The following EFHB variants were observed in gnomAD, a reference collection of about 807,000 sequenced individuals.
EFHB encodes the protein EF-hand domain family member B.
Under a neutral mutation model 87.2 loss-of-function variants are expected in EFHB, and 91 were observed. That is an observed-to-expected ratio of 1.04 (90% CI 0.88 to 1.24). The LOEUF (loss-of-function observed/expected upper bound fraction) is 1.24. Ranked by LOEUF, EFHB falls within the 50% of genes most tolerant of loss-of-function variation. The probability of loss-of-function intolerance (pLI) is 0.00; values close to 1 mark genes in which losing one functional copy is unlikely to be tolerated. For missense variants in EFHB, 1,084 were observed against 998.8 expected (o/e 1.09, Z -1.15); for synonymous variants, 325 against 333.6 (o/e 0.97, Z 0.28).
At chr3:19,925,261 T>C (rs919156366) in intron 1 of EFHB, among the ~76,000 whole-genome samples, 3 of 134,054 alleles carry the variant, frequency 2.2e-5, no homozygotes, top group Non-Finnish European at 4.7e-5. Flanking sequence ...AAAAAAAAAA[T>C]AGAGTTAGGA....
intron 4 of EFHB, among the ~76,000 whole-genome samples, chr3:19,916,943 T>C (rs1249376289): frequency 1.3e-5 from 2 of 152,190 alleles, no homozygotes; most frequent in East Asian, 1.9e-4. Flanking sequence ...TACAGATATA[T>C]ACATTTTTTG....
chr3:19,924,847 T>C (rs566275835), intron 1 of EFHB, among the ~76,000 whole-genome samples: 2 of 152,144 alleles, frequency 1.3e-5, no homozygotes, highest in African/African-American at 2.4e-5. Context: ...ATTGTGAACA[T>C]ATACCCTAAA....
At chr3:19,899,554 A>G (rs896237891) in intron 6 of EFHB, 39 bp from the exon 7 acceptor site, 5 of 1,501,442 alleles carry the variant, frequency 3.3e-6, no homozygotes, top group Non-Finnish European at 4.5e-6. Flanking sequence ...TCTATTACCT[A>G]AAGTATTCTT....
chr3:19,890,271 T>G (rs1355975634), intron 9 of EFHB, among the ~76,000 whole-genome samples: 1 of 151,962 alleles, frequency 6.6e-6, no homozygotes, highest in Non-Finnish European at 1.5e-5. Flanking sequence ...CCTTAATCCC[T>G]CCCTCCCCCA....
At chr3:19,935,648 T>C (rs1206409364), upstream of EFHB, among the ~76,000 whole-genome samples, 1 of 150,814 alleles carries the variant, frequency 6.6e-6, no homozygotes, top group East Asian at 2.0e-4. Flanking sequence ...GAGGCAGAGG[T>C]TGCAGTGAGC....
chr3:19,898,683 T>G, intron 8 of EFHB, 95 bp downstream of exon 8: 4 of 1,202,478 alleles, frequency 3.3e-6, no homozygotes, highest in Non-Finnish European at 4.8e-6. Flanking sequence ...TTAGAAGCTT[T>G]GAAATAAGGA....
intron 1 of EFHB, among the ~76,000 whole-genome samples, chr3:19,944,013 G>C (rs891107416): frequency 2.0e-5 from 3 of 152,208 alleles, no homozygotes; most frequent in African/African-American, 7.2e-5. Flanking sequence ...TGACATTTGA[G>C]CTGAAGCCTG....
At chr3:19,907,722 C>T (rs1694886663) in intron 5 of EFHB, among the ~76,000 whole-genome samples, 1 of 151,984 alleles carries the variant, frequency 6.6e-6, no homozygotes, top group South Asian at 2.1e-4. Context: ...TTTTCTATTT[C>T]GAGATAAGAA....
chr3:19,901,865 G>C (rs982134013), intron 6 of EFHB, among the ~76,000 whole-genome samples: 1 of 151,424 alleles, frequency 6.6e-6, no homozygotes, highest in Non-Finnish European at 1.5e-5. Context: ...CAGGAGAATC[G>C]CTTGAACCCA....
chr3:19,920,561 T>A lies in EFHB; in HGVS notation c.796A>T (p.Lys266Ter). The change falls in exon 2 of 13, where the codon AAA becomes TAA. Residue 266 changes from lysine to a stop codon, truncating the protein, a stop_gained. Coordinates refer to ENST00000295824, the MANE Select transcript of EFHB (RefSeq NM_144715.4). LOFTEE classifies it high-confidence loss of function. The part of the protein sequence containing the change: ...DRTPCWPSAG[K>*]VIPVGYRVAT... ...ACTCTGTAACCAACTGGAATAACTT[T>A]TCCTGCCTTTGGGGGAAAAAAATGG... 1 of 1,596,472 alleles carries A rather than the reference T, an allele frequency of 6.3e-7. No individual in the cohort carries two copies. The highest frequency in any genetic ancestry group is 8.5e-7 in the Non-Finnish European group (1 of 1,173,634).
At chr3:19,902,620 G>A (rs1329061633) in intron 6 of EFHB, among the ~76,000 whole-genome samples, 1 of 151,930 alleles carries the variant, frequency 6.6e-6, no homozygotes, top group African/African-American at 2.4e-5. Context: ...CCAAAGTGCT[G>A]GGATTACAGG....
intron 10 of EFHB, among the ~76,000 whole-genome samples, chr3:19,887,305 A>C (rs1190175455): frequency 1.3e-5 from 2 of 151,020 alleles, no homozygotes; most frequent in Non-Finnish European, 2.9e-5. Flanking sequence ...GAATCACTTG[A>C]ACCCGGCAGG....
chr3:19,933,271 A>G lies in EFHB; in HGVS notation c.748T>C (p.Tyr250His), dbSNP rs751008068. 2 of 1,614,036 alleles carry G rather than the reference A, an allele frequency of 1.2e-6. No homozygotes were observed. The highest frequency in any genetic ancestry group is 3.3e-5 in the Admixed American group (2 of 60,032). ...VEPPDRIRPI[Y>H]SGKFFDRTPC... ...GTCCGATCAAAAAACTTCCCAGAGT[A>G]TATGGGTCTGATGCGATCTGGAGGT... is the stretch of plus-strand genomic sequence containing the variant. The change falls in exon 1 of 13, where the codon TAC becomes CAC. Residue 250 changes from tyrosine (Y) to histidine (H), a missense_variant. Transcript: ENST00000295824.
intron 5 of EFHB, among the ~76,000 whole-genome samples, chr3:19,910,280 T>C (rs564243205): frequency 9.1e-4 from 138 of 152,128 alleles, no homozygotes; most frequent in African/African-American, 3.3e-3. Context: ...TTAAGAGACC[T>C]TGGGCCTTAA....
At chr3:19,918,145 C>T in intron 4 of EFHB, 87 bp downstream of exon 4, 1 of 1,283,792 alleles carries the variant, frequency 7.8e-7, no homozygotes, top group Non-Finnish European at 1.1e-6. Flanking sequence ...CATCACCAAA[C>T]ATCATACAAA....
In EFHB at chr3:19,879,781, A is replaced by C; in HGVS notation, c.2352T>G (p.Ile784Met). ...KEEIAEILCNIGVKLSDEEFE... is the reference protein window; with the variant it reads ...KEEIAEILCNMGVKLSDEEFE... Reference sequence around the variant, plus strand: ...ATTCTTCATCAGACAGTTTGACACCAATGTTACACAATATCTCTGCAATCT... The same window carrying C: ...ATTCTTCATCAGACAGTTTGACACCCATGTTACACAATATCTCTGCAATCT... Residue 784 changes from isoleucine to methionine, a missense_variant, in exon 13 of 13, where the codon ATT becomes ATG. Physicochemically the swap from Ile to Met is conservative, Grantham distance 10 (BLOSUM62 1). Transcript: ENST00000295824. 6.2e-7 allele frequency: 1 copy of C among 1,601,704 alleles called. No homozygotes were observed.
At chr3:19,882,845 G>A in intron 11 of EFHB, 114 bp from the exon 12 acceptor site, 3 of 896,532 alleles carry the variant, frequency 3.3e-6, no homozygotes, top group Non-Finnish European at 4.6e-6. Context: ...GAAGAATTTT[G>A]GTGTATTCCA....
intron 5 of EFHB, among the ~76,000 whole-genome samples, chr3:19,909,541 C>A (rs1694984985): frequency 6.6e-6 from 1 of 152,160 alleles, no homozygotes; most frequent in African/African-American, 2.4e-5. Context: ...GGCCCAGAGA[C>A]AGTGGACTGG....
intron 11 of EFHB, among the ~76,000 whole-genome samples, chr3:19,883,802 A>C (rs1221778457): frequency 6.6e-6 from 1 of 152,226 alleles, no homozygotes; most frequent in Non-Finnish European, 1.5e-5. Context: ...GTGATGCTGA[A>C]GAAGCCAAGT....
Sources: allele counts gnomAD v4.1 joint callset (sites outside exome capture counted in the v4.1 genomes callset), GRCh38; gene constraint gnomAD v4.1.1; transcripts MANE v1.5; gene names NCBI Gene and HGNC (gene_info 2026-07-23, HGNC 2026-07-21).